The following OCLN variants were observed in gnomAD, a reference collection of about 807,000 sequenced individuals.
The protein encoded by OCLN is occludin.
OCLN carries 21 observed loss-of-function variants against 47.9 expected under a neutral mutation model. That is an observed-to-expected ratio of 0.44 (90% CI 0.31 to 0.63). The LOEUF (loss-of-function observed/expected upper bound fraction) is 0.63, where lower values mean the gene tolerates loss of function less well. Ranked by LOEUF, OCLN falls within the 30% of genes least tolerant of loss-of-function variation. OCLN has a pLI of 0.08. For synonymous variants in OCLN, 117 were observed against 198.4 expected (o/e 0.59, Z 3.45); for missense variants, 360 against 571.0 (o/e 0.63, Z 3.77).
At chr5:69,507,836 C>T (rs1768650838) in intron 2 of OCLN, among the ~76,000 whole-genome samples, 1 of 152,160 alleles carries the variant, frequency 6.6e-6, no homozygotes, top group African/African-American at 2.4e-5. Context: ...GAACTCCTGA[C>T]CTCAGGTGAT....
chr5:69,517,308 ATATATATT>A (rs1475282767), intron 4 of OCLN, among the ~76,000 whole-genome samples: 2 of 90,302 alleles, frequency 2.2e-5, no homozygotes, highest in African/African-American at 6.7e-5. Context: ...ATATATATAT[ATATATATT>A]TTTTTTTTTT....
chr5:69,528,661 C>A (rs1291678101), intron 4 of OCLN, among the ~76,000 whole-genome samples: 1 of 152,190 alleles, frequency 6.6e-6, no homozygotes, highest in Non-Finnish European at 1.5e-5. Context: ...AATCTCCCCT[C>A]TGCTACTTTA....
At position 69,555,136 on chromosome 5, in the gene OCLN, A is replaced by G. The variant is rs146986409; in HGVS notation, c.*1465A>G. 4.0e-5 allele frequency: 4 copies of G among 99,652 alleles called. No homozygotes were observed. The highest frequency in any genetic ancestry group is 1.1e-4 in the African/African-American group (4 of 37,350). 6.2% of individuals were successfully genotyped at this position (99,652 alleles called of 1,614,324 possible). A position where few individuals can be genotyped will look rare whatever the true frequency, so the allele number is the denominator to read the frequency against. On this transcript the variant is annotated 3_prime_UTR_variant, in exon 9 of 9. Coordinates refer to ENST00000396442, the MANE Select transcript of OCLN (RefSeq NM_001205254.2). ...TTTTTAATAGAGACGGGGTTTTACC[A>G]TAGTGGCCAGGTTGGTCTTGAACTC... is the stretch of plus-strand genomic sequence containing the variant.
intron 4 of OCLN, among the ~76,000 whole-genome samples, chr5:69,516,493 GAGGGAGAGGGAGACCGT>G (rs1246419805): frequency 6.6e-6 from 1 of 152,048 alleles, no homozygotes; most frequent in Admixed American, 6.5e-5. Context: ...CGTGGAAAGA[GAGGGAGAGGGAGACCGT>G]GGGGAGAGGG....
chr5:69,502,635 G>T (rs1768492736), intron 1 of OCLN, among the ~76,000 whole-genome samples: 2 of 152,186 alleles, frequency 1.3e-5, no homozygotes, highest in Non-Finnish European at 2.9e-5. Context: ...TTTATTGTTG[G>T]TTCAACATAG....
At chr5:69,496,701 C>T (rs147369635) in intron 1 of OCLN, among the ~76,000 whole-genome samples, 9 of 152,068 alleles carry the variant, frequency 5.9e-5, no homozygotes, top group African/African-American at 2.2e-4. Context: ...CCACCTTGCC[C>T]AGCCTCAGCC....
chr5:69,503,018 T>A (rs1045589616), intron 1 of OCLN, among the ~76,000 whole-genome samples: 4 of 152,208 alleles, frequency 2.6e-5, no homozygotes, highest in Non-Finnish European at 5.9e-5. Flanking sequence ...GCATATTACT[T>A]CACATCTCTT....
chr5:69,506,916 T>TA (rs1768622710), intron 2 of OCLN, among the ~76,000 whole-genome samples: 1 of 152,104 alleles, frequency 6.6e-6, no homozygotes, highest in South Asian at 2.1e-4. Context: ...AACTGCAACA[T>TA]ACATAAAGAA....
At chr5:69,532,703 C>T (rs2112055795) in intron 4 of OCLN, among the ~76,000 whole-genome samples, 1 of 152,118 alleles carries the variant, frequency 6.6e-6, no homozygotes, top group East Asian at 1.9e-4. Flanking sequence ...CGTGGTGGCT[C>T]ACGCCTGTAA....
rs747252348 is a variant in OCLN at position 69,509,619 on chromosome 5, A to G, written c.529A>G (p.Ile177Val). ...RTRRYYLSVI[I>V]VSAILGIMVF... ...AAGAAGATACTACTTAAGTGTGATA[A>G]TAGTGAGTGCTATCCTGGGCATCAT... Residue 177 changes from isoleucine to valine, a missense_variant, in exon 3 of 9, where the codon ATA becomes GTA. By Grantham distance (29) the Ile-to-Val change is conservative. Transcript: ENST00000396442. 6.2e-6 allele frequency: 10 copies of G among 1,614,232 alleles called. No homozygotes were observed. The highest frequency in any genetic ancestry group is 2.2e-5 in the South Asian group (2 of 91,090).
Position 69,557,392 on chromosome 5 carries a change from C to T in OCLN, c.*3721C>T, listed in dbSNP as rs1375431019. 1 of 81,892 alleles carries T rather than the reference C, an allele frequency of 1.2e-5. No individual in the cohort carries two copies. The highest frequency in any genetic ancestry group is 3.7e-5 in the Non-Finnish European group (1 of 26,986). The allele number at this position is 81,892 out of a possible 1,614,324, so 5.1% of individuals were successfully genotyped here. ...GAAGGTAGTTAATGTGTGACTCAGT[C>T]CTTGTCTAAAAGTAAATATGCCTAG... is the stretch of plus-strand genomic sequence containing the variant. On this transcript the variant is annotated 3_prime_UTR_variant, in exon 9 of 9. Transcript: ENST00000396442.
intron 1 of OCLN, among the ~76,000 whole-genome samples, chr5:69,494,189 G>C (rs75960810): frequency 0.69 from 103,741 of 151,078 alleles, 37,454 homozygotes; most frequent in Non-Finnish European, 0.82. Context: ...AGGTGCTTGT[G>C]TGTGTGTGTG....
chr5:69,509,947 T>C (rs1768733145), intron 3 of OCLN, 128 bp downstream of exon 3: 2 of 768,740 alleles, frequency 2.6e-6, no homozygotes, highest in Non-Finnish European at 4.6e-6. Context: ...TAATTAAATC[T>C]GGGGGAGGGG....
rs907870538 is a variant in OCLN at position 69,504,425 on chromosome 5, C to G, written c.50+131C>G. The G allele has an allele frequency of 5.6e-6, 4 of 709,474 alleles. No individual in the cohort carries two copies. In the African/African-American group the frequency reaches 7.0e-5, roughly 13 times the overall value. 43.9% of individuals were successfully genotyped at this position (709,474 alleles called of 1,614,324 possible). A position where few individuals can be genotyped will look rare whatever the true frequency, so the allele number is the denominator to read the frequency against. ...GTGTACTTGTAAATTTAAATTGTAT[C>G]AAAGGGTCTGCACTGAAAACTGAAT... On this transcript the variant is annotated intron_variant, in intron 2 of 8. Transcript: ENST00000396442.
chr5:69,499,248 A>C (rs1003181023), intron 1 of OCLN, among the ~76,000 whole-genome samples: 7 of 151,676 alleles, frequency 4.6e-5, no homozygotes, highest in African/African-American at 1.7e-4. Context: ...TTTTAAGAAA[A>C]ATTTTTTGTG....
At chr5:69,516,677 G>GCTT (rs1437723467) in intron 4 of OCLN, among the ~76,000 whole-genome samples, 1 of 152,172 alleles carries the variant, frequency 6.6e-6, no homozygotes, top group African/African-American at 2.4e-5. Flanking sequence ...ATCTTACCAA[G>GCTT]CTTCCTATAT....
chr5:69,515,347 A>C (rs1768908812), intron 4 of OCLN, among the ~76,000 whole-genome samples: 1 of 129,368 alleles, frequency 7.7e-6, no homozygotes, highest in African/African-American at 2.9e-5. Context: ...ACTTCCCAGT[A>C]GGGGCGGCCG....
intron 3 of OCLN, among the ~76,000 whole-genome samples, chr5:69,513,395 GATTAGATCC>G (rs1768839308): frequency 6.6e-6 from 1 of 152,212 alleles, no homozygotes; most frequent in South Asian, 2.1e-4. Flanking sequence ...TTTATAGCTT[GATTAGATCC>G]ATGTCTTCAT....
rs72338145 is a variant in OCLN, at chr5:69,500,403, C to CTT, written c.-68-3761_-68-3760dup. 5.5e-3 allele frequency among the ~76,000 whole-genome samples: 790 copies of CTT among 142,454 alleles called. 7 individuals carry two copies. The highest frequency in any genetic ancestry group is 0.015 in the African/African-American group (571 of 38,734). 93.5% of individuals were successfully genotyped at this position (142,454 alleles called of 152,430 possible). Reference sequence around the variant, plus strand: ...ACTTGTTCTTAACGAGCTTTCTTTTCTTTTTTTTTTTTTTGAGACGGAGTT... The same window carrying CTT: ...ACTTGTTCTTAACGAGCTTTCTTTTCTTTTTTTTTTTTTTTTGAGACGGAGTT... On this transcript the variant is annotated intron_variant, in intron 1 of 8. Coordinates refer to ENST00000396442, the MANE Select transcript of OCLN (RefSeq NM_001205254.2).
Sources: allele counts gnomAD v4.1 joint callset (sites outside exome capture counted in the v4.1 genomes callset), GRCh38; gene constraint gnomAD v4.1.1; transcripts MANE v1.5; gene names NCBI Gene and HGNC (gene_info 2026-07-23, HGNC 2026-07-21).